The following LRRC4C variants were observed in gnomAD, a reference collection of about 807,000 sequenced individuals.
LRRC4C encodes the protein leucine-rich repeat-containing protein 4C.
A neutral mutation model predicts 33.6 loss-of-function variants in LRRC4C; 5 were observed. The observed-to-expected ratio is 0.15, with a 90% CI of 0.08 to 0.31. The LOEUF (loss-of-function observed/expected upper bound fraction) is 0.31. LRRC4C is among the 10% of genes least tolerant of loss of function. LRRC4C has a pLI of 1.00. For synonymous variants in LRRC4C, 329 were observed against 302.0 expected (o/e 1.09, Z -0.93); for missense variants, 560 against 796.7 (o/e 0.70, Z 3.58).
intron 1 of LRRC4C, among the ~76,000 whole-genome samples, chr11:41,393,053 G>A (rs551011846): frequency 6.6e-6 from 1 of 151,892 alleles, no homozygotes; most frequent in East Asian, 2.0e-4. Context: ...TTTTAAATAG[G>A]GGAGATATAA....
chr11:40,927,796 G>A (rs1416319517), intron 2 of LRRC4C, among the ~76,000 whole-genome samples: 1 of 151,676 alleles, frequency 6.6e-6, no homozygotes, highest in African/African-American at 2.4e-5. Flanking sequence ...GTACTTAAGG[G>A]CATGCTTTTG....
chr11:41,005,913 C>T (rs1393099570), intron 1 of LRRC4C, among the ~76,000 whole-genome samples: 1 of 152,100 alleles, frequency 6.6e-6, no homozygotes. Context: ...TTCCTGGTCC[C>T]TTCAGGTACA....
chr11:40,992,387 C>T (rs1201996286), intron 1 of LRRC4C, among the ~76,000 whole-genome samples: 1 of 150,482 alleles, frequency 6.6e-6, no homozygotes, highest in Non-Finnish European at 1.5e-5. Flanking sequence ...AAATTTCTTA[C>T]TTTCATTTTA....
chr11:41,186,382 A>G (rs1945696663), intron 1 of LRRC4C, among the ~76,000 whole-genome samples: 1 of 152,344 alleles, frequency 6.6e-6, no homozygotes, highest in East Asian at 1.9e-4. Flanking sequence ...GAAAAATTTT[A>G]TAACCATATT....
intron 1 of LRRC4C, among the ~76,000 whole-genome samples, chr11:41,249,567 G>C (rs1419475030): frequency 2.0e-5 from 3 of 151,974 alleles, no homozygotes; most frequent in Non-Finnish European, 4.4e-5. Flanking sequence ...TTTGCTTCCA[G>C]TACCTCCCCA....
intron 3 of LRRC4C, among the ~76,000 whole-genome samples, chr11:40,444,133 T>C (rs1411039380): frequency 1.3e-5 from 2 of 152,124 alleles, no homozygotes; most frequent in African/African-American, 4.8e-5. Context: ...TTTATGTTAG[T>C]TCATCTAGTC....
intron 2 of LRRC4C, among the ~76,000 whole-genome samples, chr11:40,915,343 C>T (rs969666350): frequency 1.3e-5 from 2 of 152,102 alleles, no homozygotes; most frequent in Non-Finnish European, 2.9e-5. Flanking sequence ...GGTACCAAAA[C>T]AGAGATATAG....
chr11:40,914,557 C>G (rs963777224), intron 2 of LRRC4C, among the ~76,000 whole-genome samples: 11 of 151,960 alleles, frequency 7.2e-5, no homozygotes, highest in African/African-American at 2.7e-4. Flanking sequence ...TCAAAATAAT[C>G]AGAGCTATCT....
At chr11:40,619,384 G>A (rs976364326) in intron 3 of LRRC4C, among the ~76,000 whole-genome samples, 3 of 151,610 alleles carry the variant, frequency 2.0e-5, no homozygotes, top group Admixed American at 2.0e-4. Context: ...CACATTGCAT[G>A]CCTGTACCAA....
rs910080281 is a variant in LRRC4C, at chr11:41,089,115, A to T, written c.-495-155392T>A. 2.6e-5 allele frequency among the ~76,000 whole-genome samples: 4 copies of T among 152,032 alleles called. No homozygotes were observed. In the South Asian group the frequency reaches 8.3e-4, roughly 32 times the overall value. ...GTATTATATCTCAGAAAATAAATGTAGGGTCCCCATAGACCAGGAACTATT... is the reference window on the plus strand; with the variant it reads ...GTATTATATCTCAGAAAATAAATGTTGGGTCCCCATAGACCAGGAACTATT... On this transcript the variant is annotated intron_variant, in intron 1 of 6. Coordinates refer to ENST00000528697, the MANE Select transcript of LRRC4C (RefSeq NM_001258419.2).
rs71931237 is a variant in LRRC4C, at chr11:41,381,626, C to CAA, written c.-496+77803_-496+77804dup. Among the ~76,000 whole-genome samples the CAA allele has an allele frequency of 1.5e-3, 206 of 133,716 alleles. 1 individual carries two copies. Among genetic ancestry groups the CAA allele is most frequent in the South Asian group, 0.011 (44 of 4,090 alleles). The allele number at this position is 133,716 out of a possible 152,430, so 87.7% of individuals were successfully genotyped here. ...TGGGCAACAGAGCAAGACTCTGCTT[C>CAA]AAAAAAAAAAAAAGAAAAAAGAAAG... On this transcript the variant is annotated intron_variant, in intron 1 of 6. Transcript: ENST00000528697.
intron 1 of LRRC4C, among the ~76,000 whole-genome samples, chr11:41,071,325 G>A (rs1275035668): frequency 6.6e-6 from 1 of 152,004 alleles, no homozygotes; most frequent in Non-Finnish European, 1.5e-5. Context: ...TAGATGACAG[G>A]TTGATAGGTG....
chr11:40,988,350 T>A (rs1853225289), intron 1 of LRRC4C, among the ~76,000 whole-genome samples: 1 of 152,174 alleles, frequency 6.6e-6, no homozygotes. Flanking sequence ...TATGGGCTCA[T>A]TCTTGAAGTT....
chr11:41,246,574 G>A (rs990618865), intron 1 of LRRC4C, among the ~76,000 whole-genome samples: 15 of 152,166 alleles, frequency 9.9e-5, no homozygotes, highest in Admixed American at 9.2e-4. Flanking sequence ...CCCAGCTCCT[G>A]CAGCTCTGTG....
chr11:40,494,380 T>C (rs1954319100), intron 3 of LRRC4C, among the ~76,000 whole-genome samples: 1 of 152,212 alleles, frequency 6.6e-6, no homozygotes, highest in Non-Finnish European at 1.5e-5. Flanking sequence ...TTGGAATATA[T>C]TTATTTGAAT....
At chr11:40,432,233 C>A (rs78765834) in intron 3 of LRRC4C, among the ~76,000 whole-genome samples, 2,551 of 152,038 alleles carry the variant, frequency 0.017, 80 homozygotes, top group African/African-American at 0.058. Flanking sequence ...ATCATCCTGC[C>A]CAAGACTTCT....
At chr11:40,960,444 T>C (rs1850896971) in intron 1 of LRRC4C, among the ~76,000 whole-genome samples, 1 of 151,794 alleles carries the variant, frequency 6.6e-6, no homozygotes, top group Non-Finnish European at 1.5e-5. Flanking sequence ...AGGTCTAAAT[T>C]GAGTTTCTAT....
At chr11:40,712,510 G>T (rs573098631) in intron 2 of LRRC4C, among the ~76,000 whole-genome samples, 2 of 152,070 alleles carry the variant, frequency 1.3e-5, no homozygotes, top group Non-Finnish European at 2.9e-5. Context: ...CATGGGAACA[G>T]AAATATAATT....
chr11:41,063,104 G>C (rs1465817150), intron 1 of LRRC4C, among the ~76,000 whole-genome samples: 1 of 152,166 alleles, frequency 6.6e-6, no homozygotes, highest in Non-Finnish European at 1.5e-5. Flanking sequence ...CACATTTCTA[G>C]ACATAAGGAA....
Sources: allele counts gnomAD v4.1 joint callset (sites outside exome capture counted in the v4.1 genomes callset), GRCh38; gene constraint gnomAD v4.1.1; transcripts MANE v1.5; gene names NCBI Gene and HGNC (gene_info 2026-07-23, HGNC 2026-07-21).